The following SCN10A variants were observed in gnomAD, a reference collection of about 807,000 sequenced individuals.
SCN10A encodes sodium voltage-gated channel alpha subunit 10.
A neutral mutation model predicts 170.7 loss-of-function variants in SCN10A; 162 were observed. That is an observed-to-expected ratio of 0.95 (90% CI 0.84 to 1.08). The LOEUF (loss-of-function observed/expected upper bound fraction) is 1.08, where lower values mean the gene tolerates loss of function less well. Among genes scored for constraint, SCN10A ranks in the 50% least tolerant of loss-of-function variants. SCN10A has a pLI of 0.00. For missense variants in SCN10A, 2,527 were observed against 2,436.9 expected, an observed-to-expected ratio of 1.04 and a Z score of -0.78; for synonymous variants, 985 against 904.6, an observed-to-expected ratio of 1.09 and a Z score of -1.59.
At chr3:38,724,635 T>C (rs2063432726) in intron 18 of SCN10A, among the ~76,000 whole-genome samples, 1 of 152,188 alleles carries the variant, frequency 6.6e-6, no homozygotes, top group Admixed American at 6.5e-5. Flanking sequence ...TGGGGGAGAA[T>C]CACAAGGGAA....
intron 19 of SCN10A, 55 bp from the exon 20 acceptor site, chr3:38,722,467 T>A (rs2125997420): frequency 1.3e-6 from 2 of 1,569,238 alleles, no homozygotes; most frequent in Non-Finnish European, 1.7e-6. Context: ...AGGGGATAAT[T>A]TCTGCTCCTG....
At chr3:38,720,803 G>C (rs2063382029) in intron 20 of SCN10A, among the ~76,000 whole-genome samples, 1 of 152,198 alleles carries the variant, frequency 6.6e-6, no homozygotes, top group Non-Finnish European at 1.5e-5. Context: ...CAATGACGTA[G>C]TGAGGAGAGC....
At position 38,712,395 on chromosome 3, in the gene SCN10A, G is replaced by A. The variant is rs1337619393; in HGVS notation, c.3855C>T (p.Leu1285=). The A allele has an allele frequency of 6.2e-7, 1 of 1,614,192 alleles. No individual in the cohort carries two copies. The highest frequency in any genetic ancestry group is 8.5e-7 in the Non-Finnish European group (1 of 1,180,038). Residue 1285 remains leucine, a synonymous_variant, in exon 23 of 28, where the codon CTC becomes CTT. Coordinates refer to ENST00000449082, the MANE Select transcript of SCN10A (RefSeq NM_006514.4). ...VGAIPSIMNV[L]LVCLIFWLIF... is the part of the protein sequence containing the mutation. ...TGAGCCAGAAGATGAGGCAGACGAG[G>A]AGGACATTCATGATGGATGGGATGG... is the stretch of plus-strand genomic sequence containing the variant.
rs1168507487 is a variant in SCN10A at position 38,736,975 on chromosome 3, T to G, written c.2280+2540A>C. On this transcript the variant is annotated intron_variant, in intron 15 of 27. Coordinates refer to ENST00000449082, the MANE Select transcript of SCN10A (RefSeq NM_006514.4). ...AGCAGAAATGTTCGTTTTTTTTTTTTTTTTTTTTTTTTTGAGACGGAGTCC... is the reference window on the plus strand; with the variant it reads ...AGCAGAAATGTTCGTTTTTTTTTTTGTTTTTTTTTTTTTGAGACGGAGTCC... Among the ~76,000 whole-genome samples, 3 of 105,190 alleles carry G rather than the reference T, an allele frequency of 2.9e-5. 1 individual carries two copies. Among genetic ancestry groups the G allele is most frequent in the Non-Finnish European group, 6.2e-5 (3 of 48,508 alleles). 69.0% of individuals were successfully genotyped at this position (105,190 alleles called of 152,430 possible). A position where few individuals can be genotyped will look rare whatever the true frequency, so the allele number is the denominator to read the frequency against.
chr3:38,700,261 GA>G (rs959163891), intron 27 of SCN10A, among the ~76,000 whole-genome samples: 23 of 152,300 alleles, frequency 1.5e-4, no homozygotes, highest in South Asian at 8.3e-4. Flanking sequence ...GCAGAGAATA[GA>G]ATGGTGGTTT....
chr3:38,739,152 T>A (rs914346781), intron 15 of SCN10A, among the ~76,000 whole-genome samples: 1 of 152,182 alleles, frequency 6.6e-6, no homozygotes, highest in Non-Finnish European at 1.5e-5. Flanking sequence ...GAGCATAAAA[T>A]GAGGTGCGTT....
chr3:38,708,560 A>G (rs947565796), intron 25 of SCN10A, among the ~76,000 whole-genome samples: 1 of 152,004 alleles, frequency 6.6e-6, no homozygotes, highest in African/African-American at 2.4e-5. Context: ...TTAAATTGTT[A>G]ATAGCAACAG....
At chr3:38,721,183 A>T (rs917727510) in intron 20 of SCN10A, among the ~76,000 whole-genome samples, 33 of 152,240 alleles carry the variant, frequency 2.2e-4, no homozygotes, top group Admixed American at 6.5e-4. Context: ...CTTCCTGGAC[A>T]ATCTGGCATT....
intron 15 of SCN10A, among the ~76,000 whole-genome samples, chr3:38,732,513 C>T (rs1419697392): frequency 1.3e-5 from 2 of 152,160 alleles, no homozygotes; most frequent in African/African-American, 4.8e-5. Context: ...ATCACTGCAG[C>T]TAGTTGTACT....
At chr3:38,737,171 C>A (rs894201194) in intron 15 of SCN10A, among the ~76,000 whole-genome samples, 2 of 150,984 alleles carry the variant, frequency 1.3e-5, no homozygotes, top group South Asian at 2.1e-4. Context: ...GGGGTTTCAC[C>A]GTGTTAGCCA....
At position 38,707,370 on chromosome 3, in the gene SCN10A, T is replaced by C. The variant is rs1278127829; in HGVS notation, c.4295A>G (p.Asp1432Gly). Reference sequence around the variant, plus strand: ...CTTCTGCTCCTCTGTCATGAAGATGTCCTGGCCCCCTAAGTGCAGAGAGGG... The same window carrying C: ...CTTCTGCTCCTCTGTCATGAAGATGCCCTGGCCCCCTAAGTGCAGAGAGGG... The part of the protein sequence containing the change: ...NQQKKKLGGQ[D>G]IFMTEEQKKY... Residue 1432 changes from aspartate to glycine, a missense_variant, in exon 26 of 28, where the codon GAC (aspartate) becomes GGC (glycine). Physicochemically the swap from Asp to Gly is moderately conservative, Grantham distance 94. Transcript: ENST00000449082. 3.1e-6 allele frequency: 5 copies of C among 1,614,078 alleles called. No individual in the cohort carries two copies. The highest frequency in any genetic ancestry group is 4.2e-6 in the Non-Finnish European group (5 of 1,179,994).
intron 1 of SCN10A, among the ~76,000 whole-genome samples, chr3:38,805,513 T>TA (rs1347111411): frequency 3.9e-5 from 6 of 152,188 alleles, no homozygotes; most frequent in African/African-American, 1.4e-4. Flanking sequence ...AAGCATTTCA[T>TA]ACAGCCAGTG....
intron 13 of SCN10A, among the ~76,000 whole-genome samples, chr3:38,746,888 C>A (rs909215570): frequency 6.6e-6 from 1 of 152,190 alleles, no homozygotes; most frequent in Admixed American, 6.5e-5. Context: ...AGCTTGCATG[C>A]CAAGCATAGA....
chr3:38,701,926 C>T lies in SCN10A; in HGVS notation c.4570G>A (p.Val1524Ile), dbSNP rs770122720. The change falls in exon 27 of 28, where the codon GTC becomes ATC. Residue 1524 changes from valine to isoleucine, a missense_variant. Transcript: ENST00000449082. ...TGCCTCAAAGCGAACATCTTCATGA[C>T]ACATTCGCCTGTGAAGACGGCCACA... ...FFVAVFTGECVMKMFALRQYY... is the reference protein window; with the variant it reads ...FFVAVFTGECIMKMFALRQYY... 5.6e-6 allele frequency: 9 copies of T among 1,614,206 alleles called. No individual in the cohort carries two copies. The highest frequency in any genetic ancestry group is 2.2e-5 in the East Asian group (1 of 44,888).
chr3:38,811,273 T>A (rs190299462), intron 1 of SCN10A, among the ~76,000 whole-genome samples: 146 of 152,210 alleles, frequency 9.6e-4, no homozygotes, highest in African/African-American at 3.2e-3. Flanking sequence ...GCCAACATGA[T>A]GAAACCCCAT....
At chr3:38,716,693 T>C (rs149167436) in intron 21 of SCN10A, among the ~76,000 whole-genome samples, 1 of 151,910 alleles carries the variant, frequency 6.6e-6, no homozygotes, top group Non-Finnish European at 1.5e-5. Flanking sequence ...AATGGAAGGA[T>C]GGGAGAAACA....
At chr3:38,787,451 T>C (rs1357403673) in intron 4 of SCN10A, among the ~76,000 whole-genome samples, 2 of 152,200 alleles carry the variant, frequency 1.3e-5, no homozygotes, top group Non-Finnish European at 2.9e-5. Flanking sequence ...AATCTTATTA[T>C]CTGTAAATTA....
intron 8 of SCN10A, among the ~76,000 whole-genome samples, chr3:38,757,955 A>G (rs762315463): frequency 6.6e-5 from 10 of 152,204 alleles, no homozygotes; most frequent in Non-Finnish European, 1.5e-4. Flanking sequence ...GCTCTCATCC[A>G]CCCTAGCAGA....
In SCN10A at chr3:38,725,218, C is replaced by T. The variant is rs754277291; in HGVS notation, c.3184G>A (p.Gly1062Ser). The change falls in exon 18 of 28, where the codon GGT becomes AGT. Residue 1062 changes from glycine (G) to serine (S), a missense_variant. Coordinates refer to ENST00000449082, the MANE Select transcript of SCN10A (RefSeq NM_006514.4). ...ACAGACTCATCTTTCCACGTCTCACCCAGGGATGGAGCCAGGTCCTCAGAA... is the reference window on the plus strand; with the variant it reads ...ACAGACTCATCTTTCCACGTCTCACTCAGGGATGGAGCCAGGTCCTCAGAA... ...TSSEDLAPSL[G>S]ETWKDESVPQ... is the part of the protein sequence containing the mutation. 4.4e-6 allele frequency: 7 copies of T among 1,606,648 alleles called. No individual in the cohort carries two copies. The highest frequency in any genetic ancestry group is 6.0e-6 in the Non-Finnish European group (7 of 1,174,704).
Sources: allele counts gnomAD v4.1 joint callset (sites outside exome capture counted in the v4.1 genomes callset), GRCh38; gene constraint gnomAD v4.1.1; transcripts MANE v1.5; gene names NCBI Gene and HGNC (gene_info 2026-07-23, HGNC 2026-07-21).